Variants in SYPL2 observed in about 807,000 individuals in gnomAD.
SYPL2 encodes synaptophysin-like protein 2.
Under a neutral mutation model 31.3 loss-of-function variants are expected in SYPL2, and 24 were observed. That is an observed-to-expected ratio of 0.77 (90% CI 0.56 to 1.08). The LOEUF is 1.08. Among genes scored for constraint, SYPL2 ranks in the 50% least tolerant of loss-of-function variants. The probability of loss-of-function intolerance (pLI) is 0.00; values close to 1 mark genes in which losing one functional copy is unlikely to be tolerated. For missense variants in SYPL2, 342 were observed against 360.1 expected (o/e 0.95, Z 0.41); for synonymous variants, 144 against 143.1 (o/e 1.01, Z -0.05).
At position 109,477,888 on chromosome 1, in the gene SYPL2, C is replaced by G; in HGVS notation, c.527C>G (p.Thr176Ser). Residue 176 changes from threonine to serine, a missense_variant, in exon 5 of 6, where the codon ACC (threonine) becomes AGC (serine). Coordinates refer to ENST00000369872, the MANE Select transcript of SYPL2 (RefSeq NM_001040709.2). ...GCAGCTGCCTGGGGCAAGGGCCTGACCGATGTCAAGGGGGCCACACGACCA... is the reference window on the plus strand; with the variant it reads ...GCAGCTGCCTGGGGCAAGGGCCTGAGCGATGTCAAGGGGGCCACACGACCA... The part of the protein sequence containing the change: ...VAAAAWGKGL[T>S]DVKGATRPSS... The G allele has an allele frequency of 6.2e-7, 1 of 1,614,180 alleles. No individual in the cohort carries two copies. Among genetic ancestry groups the G allele is most frequent in the Non-Finnish European group, 8.5e-7 (1 of 1,180,036 alleles).
At chr1:109,467,037 C>T in intron 1 of SYPL2, 22 bp from the exon 2 acceptor site, 1 of 1,543,160 alleles carries the variant, frequency 6.5e-7, no homozygotes, top group African/African-American at 1.4e-5. Context: ...CCCTGACCCC[C>T]CGGCCGGCTG....
chr1:109,474,323 C>T (rs113117454), intron 2 of SYPL2, among the ~76,000 whole-genome samples: 2,511 of 75,360 alleles, frequency 0.033, 126 homozygotes, highest in African/African-American at 0.13. Context: ...CTTTTCTTTT[C>T]TTTTTTTTTT....
intron 2 of SYPL2, among the ~76,000 whole-genome samples, chr1:109,471,507 GCTCT>G (rs1655831682): frequency 6.6e-6 from 1 of 152,148 alleles, no homozygotes; most frequent in African/African-American, 2.4e-5. Flanking sequence ...TAGAATCGGT[GCTCT>G]CTAAGATAGT....
intron 3 of SYPL2, 45 bp from the exon 4 acceptor site, chr1:109,476,731 G>A (rs757409918): frequency 1.3e-6 from 2 of 1,590,878 alleles, no homozygotes; most frequent in East Asian, 2.3e-5. Context: ...GCCAGGGAGA[G>A]AGAGGATTGC....
At chr1:109,469,370 G>GT (rs35147535) in intron 2 of SYPL2, among the ~76,000 whole-genome samples, 28 of 147,958 alleles carry the variant, frequency 1.9e-4, no homozygotes, top group South Asian at 2.1e-4. Flanking sequence ...TTATCTTAGA[G>GT]TTTTTTTTTT....
chr1:109,479,952 G>T lies in SYPL2; in HGVS notation c.*404G>T. On this transcript the variant is annotated 3_prime_UTR_variant, in exon 6 of 6. Transcript: ENST00000369872. ...CGGCTTCAACAATATTAGGGGGAAG[G>T]GAAATCAGCTAGTAGCCTTCCCCTC... 5.5e-6 allele frequency: 1 copy of T among 180,304 alleles called. No individual in the cohort carries two copies. The allele number at this position is 180,304 out of a possible 1,614,324, so 11.2% of individuals were successfully genotyped here.
chr1:109,477,077 C>A, intron 4 of SYPL2, 100 bp downstream of exon 4: 2 of 1,419,336 alleles, frequency 1.4e-6, no homozygotes, highest in Admixed American at 3.8e-5. Flanking sequence ...GCGGCTTCCA[C>A]CCCCATGGTG....
At chr1:109,467,178 G>A (rs1336081491) in intron 2 of SYPL2, 45 bp downstream of exon 2, 2 of 1,504,948 alleles carry the variant, frequency 1.3e-6, no homozygotes, top group Admixed American at 2.0e-5. Flanking sequence ...AGCCTGGGCT[G>A]TGACGCTGAC....
chr1:109,470,094 C>T (rs1655782000), intron 2 of SYPL2, among the ~76,000 whole-genome samples: 2 of 151,984 alleles, frequency 1.3e-5, no homozygotes, highest in African/African-American at 4.8e-5. Flanking sequence ...CTCAGGCAAT[C>T]CTCCCACCTC....
At position 109,479,494 on chromosome 1, in the gene SYPL2, C is replaced by T. The variant is rs369783440; in HGVS notation, c.765C>T (p.Gly255=). 7.4e-6 allele frequency: 12 copies of T among 1,614,208 alleles called. No individual in the cohort carries two copies. The highest frequency in any genetic ancestry group is 9.3e-6 in the Non-Finnish European group (11 of 1,180,038). ...GQDQDQDQDQ[G]QGPSQESAAE... ...ACCAGGACCAGGACCAGGACCAGGG[C>T]CAGGGTCCCAGCCAGGAGAGTGCAG... Residue 255 remains glycine, a synonymous_variant, in exon 6 of 6, where the codon GGC becomes GGT. Transcript: ENST00000369872.
At chr1:109,469,686 A>G (rs1426413082) in intron 2 of SYPL2, among the ~76,000 whole-genome samples, 1 of 151,928 alleles carries the variant, frequency 6.6e-6, no homozygotes, top group Non-Finnish European at 1.5e-5. Context: ...CTATTAAAAA[A>G]TAAAATTAGT....
Position 109,481,406 on chromosome 1 carries a change from A to G in SYPL2, c.*1858A>G, listed in dbSNP as rs1279977392. 7 of 152,572 alleles carry G rather than the reference A, an allele frequency of 4.6e-5. No individual in the cohort carries two copies. The East Asian group carries it at 1.2e-3, about 25-fold the overall frequency. The allele number at this position is 152,572 out of a possible 1,614,324, so 9.5% of individuals were successfully genotyped here. On this transcript the variant is annotated 3_prime_UTR_variant, in exon 6 of 6. Transcript: ENST00000369872. The stretch of plus-strand genomic sequence containing the variant: ...TGCCTACAGCTCCAGAGACACAGAG[A>G]ACAAAGGGGTGACCTTCATTTTTCT...
Position 109,477,856 on chromosome 1 carries a change from G to C in SYPL2, c.495G>C (p.Leu165=). 6.2e-7 allele frequency: 1 copy of C among 1,613,258 alleles called. No individual in the cohort carries two copies. Among genetic ancestry groups the C allele is most frequent in the Non-Finnish European group, 8.5e-7 (1 of 1,179,480 alleles). Residue 165 remains leucine (L), a synonymous_variant, in exon 5 of 6, where the codon CTG becomes CTC. Coordinates refer to ENST00000369872, the MANE Select transcript of SYPL2 (RefSeq NM_001040709.2). The part of the protein sequence containing the change: ...CVTVSFTFFW[L]VAAAAWGKGL... ...CTGTCTCCTTCACCTTCTTCTGGCTGGTAGCTGCAGCTGCCTGGGGCAAGG... is the reference window on the plus strand; with the variant it reads ...CTGTCTCCTTCACCTTCTTCTGGCTCGTAGCTGCAGCTGCCTGGGGCAAGG...
chr1:109,472,142 T>A (rs1655855365), intron 2 of SYPL2, among the ~76,000 whole-genome samples: 1 of 152,018 alleles, frequency 6.6e-6, no homozygotes, highest in Non-Finnish European at 1.5e-5. Flanking sequence ...TTTCTTTTTT[T>A]GAGATAGGGT....
At chr1:109,476,014 C>G (rs1655988847) in intron 3 of SYPL2, among the ~76,000 whole-genome samples, 2 of 152,194 alleles carry the variant, frequency 1.3e-5, no homozygotes, top group Admixed American at 1.3e-4. Flanking sequence ...TTACAGGAAC[C>G]TGGACAAGCT....
intron 2 of SYPL2, among the ~76,000 whole-genome samples, chr1:109,473,878 G>C (rs1004153025): frequency 7.2e-6 from 1 of 139,332 alleles, no homozygotes; most frequent in Non-Finnish European, 1.5e-5. Flanking sequence ...CTGGGCGACA[G>C]AGCAAGACTC....
At chr1:109,475,439 C>A in intron 2 of SYPL2, 142 bp from the exon 3 acceptor site, 1 of 1,184,122 alleles carries the variant, frequency 8.4e-7, no homozygotes, top group Non-Finnish European at 1.2e-6. Context: ...GGGTTTCTAC[C>A]TAGGAAGAAC....
At chr1:109,474,371 T>C (rs1205001393) in intron 2 of SYPL2, among the ~76,000 whole-genome samples, 1 of 149,102 alleles carries the variant, frequency 6.7e-6, no homozygotes, top group Non-Finnish European at 1.5e-5. Flanking sequence ...CAAGGTCTCA[T>C]TCTGTTGCCA....
chr1:109,477,902 G>A lies in SYPL2; in HGVS notation c.541G>A (p.Ala181Thr), dbSNP rs1346239668. Residue 181 changes from alanine to threonine, a missense_variant, in exon 5 of 6, where the codon GCC (alanine) becomes ACC (threonine). Transcript: ENST00000369872. ...WGKGLTDVKG[A>T]TRPSSLTAAM... ...CAAGGGCCTGACCGATGTCAAGGGG[G>A]CCACACGACCATCCAGCTTGACAGC... 1 of 1,614,216 alleles carries A rather than the reference G, an allele frequency of 6.2e-7. No homozygotes were observed. The highest frequency in any genetic ancestry group is 8.5e-7 in the Non-Finnish European group (1 of 1,180,042).
Sources: allele counts gnomAD v4.1 joint callset (sites outside exome capture counted in the v4.1 genomes callset), GRCh38; gene constraint gnomAD v4.1.1; transcripts MANE v1.5; gene names NCBI Gene and HGNC (gene_info 2026-07-23, HGNC 2026-07-21).